KAT2B: variants seen among roughly 807,000 people sequenced by gnomAD.
KAT2B encodes the protein histone acetyltransferase KAT2B.
In KAT2B, 36 loss-of-function variants were observed where a neutral mutation model predicts 105.9. The observed-to-expected ratio is 0.34, with a 90% CI of 0.26 to 0.45. The LOEUF is 0.45. Ranked by LOEUF, KAT2B falls within the 20% of genes least tolerant of loss-of-function variation. The pLI is 1.00. For synonymous variants in KAT2B, 397 were observed against 377.9 expected, an observed-to-expected ratio of 1.05 and a Z score of -0.59; for missense variants, 820 against 1,021.6, an observed-to-expected ratio of 0.80 and a Z score of 2.69.
chr3:20,049,872 GT>G (rs1400171092), intron 1 of KAT2B, among the ~76,000 whole-genome samples: 1 of 152,138 alleles, frequency 6.6e-6, no homozygotes, highest in East Asian at 1.9e-4. Flanking sequence ...GGTGCCAAAT[GT>G]GTCAGAAAGT....
intron 8 of KAT2B, among the ~76,000 whole-genome samples, chr3:20,122,439 G>GT (rs1471389717): frequency 1.3e-5 from 2 of 152,146 alleles, no homozygotes. Flanking sequence ...CATGTATCTA[G>GT]TTAAAAATCA....
chr3:20,111,859 G>A (rs1334903136), intron 6 of KAT2B, 72 bp downstream of exon 6: 7 of 1,174,598 alleles, frequency 6.0e-6, no homozygotes, highest in Non-Finnish European at 8.5e-6. Flanking sequence ...GCCAAAGCCT[G>A]CATAAATAAC....
At position 20,152,580 on chromosome 3, in the gene KAT2B, G is replaced by A; in HGVS notation, c.*55G>A. On this transcript the variant is annotated 3_prime_UTR_variant, in exon 18 of 18. Coordinates refer to ENST00000263754, the MANE Select transcript of KAT2B (RefSeq NM_003884.5). ...CACCAAGCAGTGTGCCTAAAGCAAGGTGGTTTAGTTTTTTACAAAGAATTG... is the reference window on the plus strand; with the variant it reads ...CACCAAGCAGTGTGCCTAAAGCAAGATGGTTTAGTTTTTTACAAAGAATTG... 4 of 1,417,558 alleles carry A rather than the reference G, an allele frequency of 2.8e-6. No homozygotes were observed. The highest frequency in any genetic ancestry group is 3.9e-6 in the Non-Finnish European group (4 of 1,021,312). 87.8% of individuals were successfully genotyped at this position (1,417,558 alleles called of 1,614,324 possible). A position where few individuals can be genotyped will look rare whatever the true frequency, so the allele number is the denominator to read the frequency against.
intron 7 of KAT2B, among the ~76,000 whole-genome samples, chr3:20,117,264 G>A (rs998766718): frequency 3.3e-5 from 5 of 152,146 alleles, no homozygotes; most frequent in African/African-American, 2.4e-5. Context: ...TTAAGTTGGC[G>A]TGTACACTTT....
At chr3:20,091,820 G>T (rs1011380324) in intron 2 of KAT2B, among the ~76,000 whole-genome samples, 29 of 152,214 alleles carry the variant, frequency 1.9e-4, no homozygotes, top group African/African-American at 7.0e-4. Flanking sequence ...TCCTGTTAAT[G>T]ATTTATATAG....
At chr3:20,057,255 A>C (rs906010910) in intron 1 of KAT2B, among the ~76,000 whole-genome samples, 6 of 152,172 alleles carry the variant, frequency 3.9e-5, no homozygotes, top group African/African-American at 1.4e-4. Flanking sequence ...GATGGAGGGC[A>C]AGCCTTTTTG....
intron 2 of KAT2B, among the ~76,000 whole-genome samples, chr3:20,087,038 C>G (rs543397686): frequency 6.6e-6 from 1 of 152,294 alleles, no homozygotes; most frequent in African/African-American, 2.4e-5. Context: ...CCTTGGCCTT[C>G]CAAAGTGCTG....
At chr3:20,051,530 G>A (rs1697916188) in intron 1 of KAT2B, among the ~76,000 whole-genome samples, 1 of 152,180 alleles carries the variant, frequency 6.6e-6, no homozygotes, top group Non-Finnish European at 1.5e-5. Flanking sequence ...TTTCCTAAAA[G>A]GCTGGCAGAG....
chr3:20,130,786 A>T (rs1018595321), intron 11 of KAT2B, among the ~76,000 whole-genome samples: 1 of 152,160 alleles, frequency 6.6e-6, no homozygotes, highest in East Asian at 1.9e-4. Context: ...AGTGACTTGA[A>T]ACTGTAGTTT....
rs1697711793 is a variant in KAT2B at position 20,041,147 on chromosome 3, C to T, written c.303+367C>T. On this transcript the variant is annotated intron_variant, in intron 1 of 17. Coordinates refer to ENST00000263754, the MANE Select transcript of KAT2B (RefSeq NM_003884.5). ...CTCCATGTGGCGGGTGACCCAGGGG[C>T]AAGGAAAAATCTTTTGGGGGACTGA... 2.0e-5 allele frequency among the ~76,000 whole-genome samples: 3 copies of T among 152,138 alleles called. No homozygotes were observed. In the South Asian group the frequency reaches 6.2e-4, roughly 32 times the overall value.
At chr3:20,048,753 C>T (rs1267556394) in intron 1 of KAT2B, among the ~76,000 whole-genome samples, 2 of 152,194 alleles carry the variant, frequency 1.3e-5, no homozygotes, top group Non-Finnish European at 2.9e-5. Context: ...TGCTTTTCTG[C>T]TGTGGTCATC....
At chr3:20,095,459 C>G (rs372430785) in intron 3 of KAT2B, 51 bp downstream of exon 3, 1 of 1,324,406 alleles carries the variant, frequency 7.6e-7, no homozygotes, top group Non-Finnish European at 1.1e-6. Context: ...CAAATGTACC[C>G]AGTCTCCATA....
intron 6 of KAT2B, among the ~76,000 whole-genome samples, chr3:20,112,601 T>C (rs1460784434): frequency 1.3e-5 from 2 of 152,186 alleles, no homozygotes; most frequent in Non-Finnish European, 2.9e-5. Flanking sequence ...AATGAGACAG[T>C]TCATTCTGTG....
rs9848075 is a variant in KAT2B, at chr3:20,149,825, G to A, written c.2305+1338G>A. ...TGGGAATCAATATTGTCCACTATGT[G>A]CAAAATATGTTAAAACTCTTTGTGT... On this transcript the variant is annotated intron_variant, in intron 17 of 17. Coordinates refer to ENST00000263754, the MANE Select transcript of KAT2B (RefSeq NM_003884.5). Among the ~76,000 whole-genome samples, 1,455 of 152,256 alleles carry A rather than the reference G, an allele frequency of 9.6e-3. 28 individuals are homozygous for A. Among genetic ancestry groups the A allele is most frequent in the African/African-American group, 0.033 (1,385 of 41,556 alleles).
In KAT2B at chr3:20,101,408, C is replaced by G. The variant is rs774642774; in HGVS notation, c.791C>G (p.Ser264Cys). The G allele has an allele frequency of 5.0e-6, 8 of 1,614,074 alleles. No homozygotes were observed. The stretch of plus-strand genomic sequence containing the variant: ...AACTATTGGCATCTGGAGGCACCAT[C>G]TCAACGAAGACTGCGATCTCCCAAT... ...RINYWHLEAP[S>C]QRRLRSPNDD... The change falls in exon 5 of 18, where the codon TCT becomes TGT. Residue 264 changes from serine to cysteine, a missense_variant. Ser to Cys is a moderately radical substitution (Grantham distance 112). This residue lies in a region of KAT2B where 173 missense variants were observed against 249.5 expected (regional missense o/e 0.69). Transcript: ENST00000263754.
chr3:20,147,898 T>C, intron 14 of KAT2B, 65 bp from the exon 15 acceptor site: 3 of 1,474,004 alleles, frequency 2.0e-6, no homozygotes, highest in Non-Finnish European at 2.8e-6. Flanking sequence ...TTGATAAGTA[T>C]TAACTATGTT....
Position 20,095,143 on chromosome 3 carries a change from T to C in KAT2B, c.431-120T>C, listed in dbSNP as rs1017824417. Reference sequence around the variant, plus strand: ...ACAGGAGTTCAGAAATTTTCTCTTATTACCAGTGAACTTAAAGGATTGATG... The same window carrying C: ...ACAGGAGTTCAGAAATTTTCTCTTACTACCAGTGAACTTAAAGGATTGATG... On this transcript the variant is annotated intron_variant, in intron 2 of 17. Coordinates refer to ENST00000263754, the MANE Select transcript of KAT2B (RefSeq NM_003884.5). 3.5e-5 allele frequency: 26 copies of C among 739,188 alleles called. No individual in the cohort carries two copies. The Admixed American group carries it at 6.8e-4, about 19-fold the overall frequency. 45.8% of individuals were successfully genotyped at this position (739,188 alleles called of 1,614,324 possible). A position where few individuals can be genotyped will look rare whatever the true frequency, so the allele number is the denominator to read the frequency against.
At chr3:20,147,444 G>A (rs1699799200) in intron 14 of KAT2B, among the ~76,000 whole-genome samples, 1 of 152,014 alleles carries the variant, frequency 6.6e-6, no homozygotes, top group South Asian at 2.1e-4. Flanking sequence ...AAACTGAGAG[G>A]CAACTTACTC....
chr3:20,145,646 CAAACA>C (rs1254894956), intron 13 of KAT2B, among the ~76,000 whole-genome samples: 1 of 124,076 alleles, frequency 8.1e-6, no homozygotes, highest in African/African-American at 3.3e-5. Flanking sequence ...TTTTACAAAA[CAAACA>C]AAACATCTCT....
Sources: gnomAD v4.1 joint callset for allele counts (sites outside exome capture counted in the v4.1 genomes callset) on GRCh38, gnomAD v4.1.1 for gene constraint, gnomAD v4.1.1 regional missense constraint, MANE v1.5 for transcripts, NCBI Gene and HGNC (gene_info 2026-07-23, HGNC 2026-07-21) for gene names.